Variants in INSIG1 observed in about 807,000 individuals in gnomAD.
INSIG1 encodes the protein insulin induced gene 1, also known as insulin-induced gene 1 protein.
A neutral mutation model predicts 26.5 loss-of-function variants in INSIG1; 14 were observed. The ratio of observed to expected loss-of-function variants is 0.53; its 90% CI spans 0.35 to 0.83. The LOEUF is 0.83. INSIG1 is among the 40% of genes least tolerant of loss of function. The pLI is 0.01. For missense variants in INSIG1, 272 were observed against 368.9 expected, an observed-to-expected ratio of 0.74 and a Z score of 2.15; for synonymous variants, 147 against 153.3, an observed-to-expected ratio of 0.96 and a Z score of 0.30.
At chr7:155,305,454 C>G (rs1797912811) in intron 5 of INSIG1, among the ~76,000 whole-genome samples, 1 of 152,156 alleles carries the variant, frequency 6.6e-6, no homozygotes, top group Admixed American at 6.5e-5. Context: ...CGTGTTTTCT[C>G]CCAGGGCAGC....
Position 155,308,550 on chromosome 7 carries a change from T to A in INSIG1, c.*280T>A, listed in dbSNP as rs935296665. 8 of 446,150 alleles carry A rather than the reference T, an allele frequency of 1.8e-5. No homozygotes were observed. The highest frequency in any genetic ancestry group is 2.9e-5 in the Non-Finnish European group (7 of 242,812). 27.6% of individuals were successfully genotyped at this position (446,150 alleles called of 1,614,324 possible). A position where few individuals can be genotyped will look rare whatever the true frequency, so the allele number is the denominator to read the frequency against. ...TTCAGGCAGGTGGCAGCTTCCCAAG[T>A]ATTCGATTTCATTCATGTGATTAAA... is the stretch of plus-strand genomic sequence containing the variant. On this transcript the variant is annotated 3_prime_UTR_variant, in exon 6 of 6. Coordinates refer to ENST00000340368, the MANE Select transcript of INSIG1 (RefSeq NM_005542.6).
intron 5 of INSIG1, among the ~76,000 whole-genome samples, chr7:155,305,247 G>T (rs886783274): frequency 2.6e-5 from 4 of 151,538 alleles, no homozygotes; most frequent in East Asian, 1.9e-4. Flanking sequence ...AGCCTAACCC[G>T]CCTACCACTG....
rs73731778 is a variant in INSIG1, at chr7:155,308,836, C to T, written c.*566C>T. 1.0e-3 allele frequency: 160 copies of T among 154,136 alleles called. 1 individual carries two copies. The highest frequency in any genetic ancestry group is 3.4e-3 in the Middle Eastern group (1 of 296). 9.5% of individuals were successfully genotyped at this position (154,136 alleles called of 1,614,324 possible). On this transcript the variant is annotated 3_prime_UTR_variant, in exon 6 of 6. Coordinates refer to ENST00000340368, the MANE Select transcript of INSIG1 (RefSeq NM_005542.6). The stretch of plus-strand genomic sequence containing the variant: ...GCCACGCTTCACGGTCACGCTCGTC[C>T]GTCCTGCAGTGGCGTGTTTACATGG...
rs971855270 is a variant in INSIG1 at position 155,308,344 on chromosome 7, T to G, written c.*74T>G. On this transcript the variant is annotated 3_prime_UTR_variant, in exon 6 of 6. Transcript: ENST00000340368. ...TCTGACTGTGGATTATGACAAAGAT[T>G]ATCTTTTTTCTTAAGTAATCTATTT... 2.5e-6 allele frequency: 4 copies of G among 1,575,506 alleles called. No homozygotes were observed. The highest frequency in any genetic ancestry group is 1.3e-5 in the African/African-American group (1 of 74,084).
At chr7:155,299,160 G>C (rs377495346) in intron 2 of INSIG1, among the ~76,000 whole-genome samples, 1 of 152,180 alleles carries the variant, frequency 6.6e-6, no homozygotes, top group Non-Finnish European at 1.5e-5. Flanking sequence ...TTCAGGAGGC[G>C]GTTGCCAGGG....
chr7:155,307,192 A>G (rs1797959555), intron 5 of INSIG1, among the ~76,000 whole-genome samples: 1 of 152,206 alleles, frequency 6.6e-6, no homozygotes, highest in South Asian at 2.1e-4. Flanking sequence ...TCCTAAAAGC[A>G]TGTATGTTTC....
rs1358582964 is a variant in INSIG1, at chr7:155,310,096, T to G, written c.*1826T>G. On this transcript the variant is annotated 3_prime_UTR_variant, in exon 6 of 6. Transcript: ENST00000340368. ...TATATGAACCAAAGTGATTTGAGTT[T>G]GTAAAAATGTAAAATAGTATGAACA... 2 of 152,676 alleles carry G rather than the reference T, an allele frequency of 1.3e-5. No individual in the cohort carries two copies. The highest frequency in any genetic ancestry group is 6.5e-5 in the Admixed American group (1 of 15,284). The allele number at this position is 152,676 out of a possible 1,614,324, so 9.5% of individuals were successfully genotyped here.
chr7:155,303,419 G>A (rs1394774172), intron 5 of INSIG1, among the ~76,000 whole-genome samples: 1 of 152,226 alleles, frequency 6.6e-6, no homozygotes, highest in Non-Finnish European at 1.5e-5. Context: ...GGGGCAGGTG[G>A]CCCTGGGCAT....
chr7:155,306,775 C>T lies in INSIG1; in HGVS notation c.805-1466C>T, dbSNP rs550254086. Among the ~76,000 whole-genome samples the T allele has an allele frequency of 7.2e-5, 11 of 152,296 alleles. No individual in the cohort carries two copies. The South Asian group carries it at 2.3e-3, about 32-fold the overall frequency. The stretch of plus-strand genomic sequence containing the variant: ...GAGGTCGACGTGGCACCGTGCTTCT[C>T]ATTAGCATACCACACTGCCCTTTCA... On this transcript the variant is annotated intron_variant, in intron 5 of 5. Transcript: ENST00000340368.
At position 155,302,599 on chromosome 7, in the gene INSIG1, A is replaced by C. The variant is rs1797820510; in HGVS notation, c.705-148A>C. The C allele has an allele frequency of 1.1e-6, 1 of 895,032 alleles. No individual in the cohort carries two copies. Among genetic ancestry groups the C allele is most frequent in the Non-Finnish European group, 1.7e-6 (1 of 585,722 alleles). 55.4% of individuals were successfully genotyped at this position (895,032 alleles called of 1,614,324 possible). ...AATGTAACGCAAAGGAAAACCAAGTAGTAGCAGTTACAACCAAACAAATAT... is the reference window on the plus strand; with the variant it reads ...AATGTAACGCAAAGGAAAACCAAGTCGTAGCAGTTACAACCAAACAAATAT... On this transcript the variant is annotated intron_variant, in intron 4 of 5. Transcript: ENST00000340368. The surrounding 1 kb of genome is among the most constrained non-coding windows in gnomAD (Gnocchi z 4.3).
intron 2 of INSIG1, among the ~76,000 whole-genome samples, chr7:155,301,257 A>G (rs1797776565): frequency 1.3e-5 from 2 of 152,254 alleles, no homozygotes; most frequent in African/African-American, 4.8e-5. Context: ...AAATGTGGAT[A>G]TTAAATATAA....
chr7:155,308,334 TG>T lies in INSIG1; in HGVS notation c.*65del. On this transcript the variant is annotated 3_prime_UTR_variant, in exon 6 of 6. Transcript: ENST00000340368. ...TGGAAGAAAATCTGACTGTGGATTA[TG>T]ACAAAGATTATCTTTTTTCTTAAGT... is the stretch of plus-strand genomic sequence containing the variant. The T allele has an allele frequency of 6.3e-7, 1 of 1,595,028 alleles. No homozygotes were observed. The highest frequency in any genetic ancestry group is 8.6e-7 in the Non-Finnish European group (1 of 1,162,708).
rs1176675510 is a variant in INSIG1, at chr7:155,297,893, C to T, written c.-94C>T. ...GCCAGGCGCTGCGGCCGTCCCGGGC[C>T]GTGACTCCTCCTTTCCCCCGCCCCG... On this transcript the variant is annotated 5_prime_UTR_variant, in exon 1 of 6. Coordinates refer to ENST00000340368, the MANE Select transcript of INSIG1 (RefSeq NM_005542.6). 1.3e-5 allele frequency: 2 copies of T among 158,918 alleles called. No individual in the cohort carries two copies. Among genetic ancestry groups the T allele is most frequent in the Non-Finnish European group, 2.7e-5 (2 of 72,920 alleles). 9.8% of individuals were successfully genotyped at this position (158,918 alleles called of 1,614,324 possible).
At position 155,301,874 on chromosome 7, in the gene INSIG1, T is replaced by C. The variant is rs192717570; in HGVS notation, c.537+184T>C. On this transcript the variant is annotated intron_variant, in intron 3 of 5. Transcript: ENST00000340368. ...CTATCGATGACTTCATAGTAAAATA[T>C]ATTGTTTTATGGTCAAAATAAATAT... 1.3e-5 allele frequency among the ~76,000 whole-genome samples: 2 copies of C among 149,252 alleles called. 1 individual carries two copies. The highest frequency in any genetic ancestry group is 1.3e-4 in the Admixed American group (2 of 14,926).
chr7:155,305,394 C>T (rs568404634), intron 5 of INSIG1, among the ~76,000 whole-genome samples: 2 of 152,320 alleles, frequency 1.3e-5, no homozygotes, highest in African/African-American at 4.8e-5. Context: ...AGTCCCCTCC[C>T]TCCTGCTGCA....
intron 5 of INSIG1, among the ~76,000 whole-genome samples, chr7:155,306,980 G>A (rs961348246): frequency 1.3e-5 from 2 of 152,242 alleles, no homozygotes; most frequent in African/African-American, 4.8e-5. Flanking sequence ...AGGCCTCACT[G>A]TGGCCTCTGT....
chr7:155,298,811 G>C lies in INSIG1; in HGVS notation c.412+114G>C. The C allele has an allele frequency of 3.9e-6, 4 of 1,038,302 alleles. No individual in the cohort carries two copies. In the South Asian group the frequency reaches 4.8e-5, roughly 12 times the overall value. The allele number at this position is 1,038,302 out of a possible 1,614,324, so 64.3% of individuals were successfully genotyped here. ...AACTGGAACTATCCACAGATTGAAA[G>C]TGTGCATCTCCAGTCTTGGGATTTA... On this transcript the variant is annotated intron_variant, in intron 2 of 5. Transcript: ENST00000340368.
chr7:155,300,538 G>T (rs1797755343), intron 2 of INSIG1, among the ~76,000 whole-genome samples: 1 of 152,080 alleles, frequency 6.6e-6, no homozygotes, highest in South Asian at 2.1e-4. Context: ...CAATTGCAGG[G>T]TTCTCAAGAG....
chr7:155,302,537 G>A lies in INSIG1; in HGVS notation c.704+120G>A, dbSNP rs1291383563. On this transcript the variant is annotated intron_variant, in intron 4 of 5. Transcript: ENST00000340368. The surrounding 1 kb of genome is among the most constrained non-coding windows in gnomAD (Gnocchi z 4.3). ...TTTTATATAGAATGATACAGATTTAGGCATGAAATTCTCAAAAATGCTGCT... is the reference window on the plus strand; with the variant it reads ...TTTTATATAGAATGATACAGATTTAAGCATGAAATTCTCAAAAATGCTGCT... 5.2e-6 allele frequency: 6 copies of A among 1,154,856 alleles called. No homozygotes were observed. The highest frequency in any genetic ancestry group is 7.1e-6 in the Non-Finnish European group (6 of 839,730). The allele number at this position is 1,154,856 out of a possible 1,614,324, so 71.5% of individuals were successfully genotyped here. A position where few individuals can be genotyped will look rare whatever the true frequency, so the allele number is the denominator to read the frequency against.
Sources: allele counts gnomAD v4.1 joint callset (sites outside exome capture counted in the v4.1 genomes callset), GRCh38; gene constraint gnomAD v4.1.1; non-coding constraint Gnocchi (gnomAD v3.1); transcripts MANE v1.5; gene names NCBI Gene and HGNC (gene_info 2026-07-23, HGNC 2026-07-21).